The following SOX5 variants were observed in gnomAD, a reference collection of about 807,000 sequenced individuals.
SOX5 encodes SRY-box transcription factor 5, also known as transcription factor SOX-5.
Under a neutral mutation model 92.0 loss-of-function variants are expected in SOX5, and 9 were observed. That is an observed-to-expected ratio of 0.10 (90% CI 0.06 to 0.17). SOX5 has a LOEUF of 0.17. Among genes scored for constraint, SOX5 ranks in the 10% least tolerant of loss-of-function variants. The pLI, the probability that SOX5 is intolerant of heterozygous loss-of-function variation, is 1.00. For synonymous variants in SOX5, 344 were observed against 336.3 expected (o/e 1.02, Z -0.25); for missense variants, 642 against 944.5 (o/e 0.68, Z 4.20).
chr12:23,534,465 G>A lies in SOX5; in HGVS notation c.2046C>T (p.Ala682=). 6.2e-7 allele frequency: 1 copy of A among 1,613,928 alleles called. No homozygotes were observed. The highest frequency in any genetic ancestry group is 1.1e-5 in the South Asian group (1 of 91,078). The change falls in exon 15 of 15, where the codon GCC becomes GCT. Residue 682 remains alanine (A), a synonymous_variant. Transcript: ENST00000451604. ...GGTGAGGGGAGGGCATCCCAGCCATGGCGATGGCTCCAGGGTACACAACAC... is the reference window on the plus strand; with the variant it reads ...GGTGAGGGGAGGGCATCCCAGCCATAGCGATGGCTCCAGGGTACACAACAC... ...TAGVVYPGAI[A]MAGMPSPHLP... is the part of the protein sequence containing the mutation.
At chr12:24,305,693 G>A (rs1185465230) in intron 2 of SOX5, among the ~76,000 whole-genome samples, 2 of 152,136 alleles carry the variant, frequency 1.3e-5, no homozygotes, top group East Asian at 1.9e-4. Flanking sequence ...TGCCTCCCAG[G>A]TTCAAGTGAT....
chr12:24,061,962 T>C (rs1939804662), intron 4 of SOX5, among the ~76,000 whole-genome samples: 1 of 152,164 alleles, frequency 6.6e-6, no homozygotes, highest in African/African-American at 2.4e-5. Context: ...AGTTTTGTTC[T>C]TGTTTCATAT....
intron 4 of SOX5, among the ~76,000 whole-genome samples, chr12:24,174,031 T>C (rs779912276): frequency 4.0e-5 from 6 of 151,892 alleles, no homozygotes; most frequent in Non-Finnish European, 7.4e-5. Flanking sequence ...ACAGTCTCAC[T>C]GTGTCACCCA....
chr12:23,766,544 G>A (rs1208323393), intron 3 of SOX5, among the ~76,000 whole-genome samples: 3 of 151,968 alleles, frequency 2.0e-5, no homozygotes, highest in South Asian at 4.2e-4. Flanking sequence ...AAACACTGAC[G>A]GGTTATTAAA....
intron 1 of SOX5, among the ~76,000 whole-genome samples, chr12:24,433,305 A>C (rs1411859842): frequency 1.3e-5 from 2 of 152,234 alleles, no homozygotes; most frequent in Non-Finnish European, 1.5e-5. Flanking sequence ...TTGGAAAACT[A>C]CTAAAATTGT....
At chr12:24,039,970 C>A (rs1300039630) in intron 4 of SOX5, among the ~76,000 whole-genome samples, 1 of 151,944 alleles carries the variant, frequency 6.6e-6, no homozygotes, top group African/African-American at 2.4e-5. Flanking sequence ...ATTATGGAAA[C>A]CAGGTATACA....
chr12:24,434,504 TC>T (rs1243070012), intron 1 of SOX5, among the ~76,000 whole-genome samples: 2 of 152,140 alleles, frequency 1.3e-5, no homozygotes, highest in Non-Finnish European at 2.9e-5. Flanking sequence ...AAAGTTTTAG[TC>T]TGTGATATGA....
At chr12:24,311,544 T>G (rs1949179221) in intron 2 of SOX5, among the ~76,000 whole-genome samples, 1 of 152,172 alleles carries the variant, frequency 6.6e-6, no homozygotes, top group South Asian at 2.1e-4. Context: ...CAAATTAATT[T>G]CCAGTTTTAA....
At chr12:24,353,426 T>A (rs2141187889) in intron 2 of SOX5, among the ~76,000 whole-genome samples, 1 of 152,278 alleles carries the variant, frequency 6.6e-6, no homozygotes, top group East Asian at 1.9e-4. Flanking sequence ...GAGCAACAGC[T>A]CTCACACTCC....
chr12:23,973,132 C>T (rs1199578510), intron 4 of SOX5, among the ~76,000 whole-genome samples: 1 of 150,912 alleles, frequency 6.6e-6, no homozygotes, highest in East Asian at 2.0e-4. Flanking sequence ...TTCATTTCAT[C>T]ACAAATGACA....
At chr12:24,007,061 A>G (rs1952272683) in intron 4 of SOX5, among the ~76,000 whole-genome samples, 1 of 148,516 alleles carries the variant, frequency 6.7e-6, no homozygotes, top group South Asian at 2.1e-4. Flanking sequence ...TGAACCCAGG[A>G]GGTGGAGGTT....
intron 2 of SOX5, among the ~76,000 whole-genome samples, chr12:23,847,320 C>G (rs937643193): frequency 4.6e-5 from 7 of 152,022 alleles, no homozygotes; most frequent in Admixed American, 2.6e-4. Flanking sequence ...GAATGTGTGC[C>G]TATTTAATAT....
chr12:24,562,037 G>T (rs1419263768), intron 1 of SOX5, among the ~76,000 whole-genome samples: 3 of 152,250 alleles, frequency 2.0e-5, no homozygotes, highest in Admixed American at 2.0e-4. Flanking sequence ...TCCGGGTCGG[G>T]GTCCAAGCCG....
intron 2 of SOX5, among the ~76,000 whole-genome samples, chr12:23,875,181 C>T (rs146409775): frequency 1.1e-4 from 16 of 152,124 alleles, no homozygotes; most frequent in South Asian, 6.2e-4. Context: ...AATCTTATAA[C>T]GAAGCAGGAA....
chr12:23,709,325 A>G (rs1298251404), intron 6 of SOX5, among the ~76,000 whole-genome samples: 1 of 152,046 alleles, frequency 6.6e-6, no homozygotes, highest in Non-Finnish European at 1.5e-5. Context: ...GACTGGTCTC[A>G]CACTCCTGGG....
intron 4 of SOX5, among the ~76,000 whole-genome samples, chr12:24,189,628 T>C (rs1174399375): frequency 6.6e-6 from 1 of 152,198 alleles, no homozygotes; most frequent in African/African-American, 2.4e-5. Flanking sequence ...GGAGGCAATA[T>C]AGCAAGGCCC....
intron 1 of SOX5, among the ~76,000 whole-genome samples, chr12:24,402,813 C>G (rs530827732): frequency 6.6e-6 from 1 of 152,284 alleles, no homozygotes; most frequent in Non-Finnish European, 1.5e-5. Context: ...TAAAATACTG[C>G]TAGGAACCCA....
intron 1 of SOX5, among the ~76,000 whole-genome samples, chr12:23,903,576 C>T (rs1241488845): frequency 6.6e-6 from 1 of 152,068 alleles, no homozygotes; most frequent in Non-Finnish European, 1.5e-5. Flanking sequence ...AAGTGAGACC[C>T]TGTCTCAAAA....
intron 4 of SOX5, among the ~76,000 whole-genome samples, chr12:23,997,293 CCAAA>C (rs1453553142): frequency 6.6e-6 from 1 of 152,086 alleles, no homozygotes; most frequent in African/African-American, 2.4e-5. Flanking sequence ...AGCTTTCCTA[CCAAA>C]CAGAGAAGAA....
Sources: gnomAD v4.1 joint callset for allele counts (sites outside exome capture counted in the v4.1 genomes callset) on GRCh38, gnomAD v4.1.1 for gene constraint, MANE v1.5 for transcripts, NCBI Gene and HGNC (gene_info 2026-07-23, HGNC 2026-07-21) for gene names.